Variants in PLCXD2 observed in about 807,000 individuals in gnomAD.
PLCXD2 encodes PI-PLC X domain-containing protein 2.
A neutral mutation model predicts 28.6 loss-of-function variants in PLCXD2; 21 were observed. That is an observed-to-expected ratio of 0.73 (90% confidence interval 0.52 to 1.06). PLCXD2 has a LOEUF of 1.06. PLCXD2 is among the 50% of genes least tolerant of loss of function. The pLI is 0.00. For synonymous variants in PLCXD2, 140 were observed against 150.1 expected (o/e 0.93, Z 0.49); for missense variants, 369 against 376.7 (o/e 0.98, Z 0.17).
rs1293338134 is a variant in PLCXD2, at chr3:111,714,133, G to A, written c.866+5G>A. On this transcript the variant is annotated splice_donor_5th_base_variant and intron_variant, in intron 3 of 4. Transcript: ENST00000477665. The stretch of plus-strand genomic sequence containing the variant: ...CAAGAACACGCTGGTTCATAGGTAA[G>A]AATTTGCTTCCACCCCACAAGGAAA... 3.7e-6 allele frequency: 6 copies of A among 1,611,324 alleles called. No individual in the cohort carries two copies. Among genetic ancestry groups the A allele is most frequent in the Admixed American group, 1.7e-5 (1 of 59,646 alleles).
At chr3:111,708,637 C>T (rs766791543) in intron 2 of PLCXD2, among the ~76,000 whole-genome samples, 2 of 152,156 alleles carry the variant, frequency 1.3e-5, no homozygotes, top group Non-Finnish European at 2.9e-5. Context: ...GTGGCCTGGC[C>T]AGAACCAACC....
chr3:111,707,169 G>A (rs1404488784), intron 1 of PLCXD2, among the ~76,000 whole-genome samples: 2 of 152,156 alleles, frequency 1.3e-5, no homozygotes, highest in Non-Finnish European at 2.9e-5. Flanking sequence ...AGCAGTTTTG[G>A]CTCATTGAGG....
chr3:111,693,272 A>C (rs1034348988), intron 1 of PLCXD2, among the ~76,000 whole-genome samples: 1 of 152,154 alleles, frequency 6.6e-6, no homozygotes, highest in Non-Finnish European at 1.5e-5. Context: ...AATAAGGCAA[A>C]TGCAGCACAA....
At chr3:111,693,898 C>T (rs1183915697) in intron 1 of PLCXD2, among the ~76,000 whole-genome samples, 3 of 152,186 alleles carry the variant, frequency 2.0e-5, no homozygotes, top group Non-Finnish European at 4.4e-5. Context: ...GAGATGAAGC[C>T]AGGAGGCAAG....
intron 3 of PLCXD2, chr3:111,721,849 T>C (rs1436641142): frequency 6.6e-6 from 1 of 152,214 alleles, no homozygotes; most frequent in African/African-American, 2.4e-5. Context: ...CAACGCTAAG[T>C]GGAAGGCCCC....
chr3:111,678,668 G>T (rs576534818), intron 1 of PLCXD2, among the ~76,000 whole-genome samples: 20 of 152,258 alleles, frequency 1.3e-4, no homozygotes, highest in Admixed American at 3.9e-4. Flanking sequence ...TATTGAAGAA[G>T]TATCTAAATT....
At chr3:111,693,866 G>C (rs1172309484) in intron 1 of PLCXD2, among the ~76,000 whole-genome samples, 1 of 152,182 alleles carries the variant, frequency 6.6e-6, no homozygotes, top group African/African-American at 2.4e-5. Flanking sequence ...CCTGCTTGGG[G>C]ACTGTGATCC....
intron 1 of PLCXD2, among the ~76,000 whole-genome samples, chr3:111,698,037 A>G (rs1027280920): frequency 1.3e-5 from 2 of 152,230 alleles, no homozygotes; most frequent in African/African-American, 4.8e-5. Flanking sequence ...CTAAATGTTA[A>G]TTGCCATGAC....
intron 3 of PLCXD2, among the ~76,000 whole-genome samples, chr3:111,718,046 G>A (rs530208004): frequency 1.3e-5 from 2 of 150,980 alleles, no homozygotes; most frequent in African/African-American, 2.4e-5. Context: ...CACTTTACAT[G>A]TATTATTTTG....
At chr3:111,678,249 T>TA (rs1940654627) in intron 1 of PLCXD2, among the ~76,000 whole-genome samples, 1 of 152,248 alleles carries the variant, frequency 6.6e-6, no homozygotes, top group Non-Finnish European at 1.5e-5. Flanking sequence ...GAACACCTGT[T>TA]AATGGCCAAT....
intron 3 of PLCXD2, among the ~76,000 whole-genome samples, chr3:111,716,252 C>T (rs1028711026): frequency 4.6e-5 from 7 of 152,206 alleles, no homozygotes; most frequent in African/African-American, 1.4e-4. Context: ...CTGTCATTTC[C>T]TCTGGGCTGT....
chr3:111,685,803 A>G (rs997295221), intron 1 of PLCXD2, among the ~76,000 whole-genome samples: 1 of 152,234 alleles, frequency 6.6e-6, no homozygotes, highest in African/African-American at 2.4e-5. Flanking sequence ...TGAATGAATT[A>G]TCTACAATGT....
intron 1 of PLCXD2, among the ~76,000 whole-genome samples, chr3:111,707,161 C>T (rs1328223462): frequency 6.6e-6 from 1 of 152,146 alleles, no homozygotes; most frequent in African/African-American, 2.4e-5. Context: ...CATTTAATAG[C>T]AGTTTTGGCT....
chr3:111,702,241 G>A (rs1941053892), intron 1 of PLCXD2, among the ~76,000 whole-genome samples: 1 of 152,164 alleles, frequency 6.6e-6, no homozygotes, highest in East Asian at 1.9e-4. Context: ...AATATACACT[G>A]AGCACAAGGG....
chr3:111,723,864 C>G (rs1246172402), intron 3 of PLCXD2: 1 of 152,190 alleles, frequency 6.6e-6, no homozygotes, highest in Non-Finnish European at 1.5e-5. Context: ...AAACAAGGCT[C>G]TCATACTTGC....
At position 111,675,153 on chromosome 3, in the gene PLCXD2, A is replaced by C; in HGVS notation, c.-93A>C. 1 of 1,454,744 alleles carries C rather than the reference A, an allele frequency of 6.9e-7. No homozygotes were observed. The highest frequency in any genetic ancestry group is 9.4e-7 in the Non-Finnish European group (1 of 1,068,958). The allele number at this position is 1,454,744 out of a possible 1,614,324, so 90.1% of individuals were successfully genotyped here. On this transcript the variant is annotated 5_prime_UTR_variant, in exon 1 of 5. Coordinates refer to ENST00000477665, the MANE Select transcript of PLCXD2 (RefSeq NM_001185106.1). Reference sequence around the variant, plus strand: ...GCATTTTGGAAAGACTGGCGTGGCAAGCGTCGCCCTGAAACGTCCACAGAG... The same window carrying C: ...GCATTTTGGAAAGACTGGCGTGGCACGCGTCGCCCTGAAACGTCCACAGAG...
At chr3:111,724,015 A>T (rs944878619) in intron 3 of PLCXD2, 3 of 152,122 alleles carry the variant, frequency 2.0e-5, no homozygotes, top group African/African-American at 7.2e-5. Context: ...CCACACAGCC[A>T]TATTTCCATG....
chr3:111,708,108 C>T lies in PLCXD2; in HGVS notation c.346C>T (p.Arg116Cys), dbSNP rs201638622. Reference sequence around the variant, plus strand: ...AGCTGGGATCCGCTACTTTGACCTGCGTGTGTCTTCCAAACCAGGGGATGC... The same window carrying T: ...AGCTGGGATCCGCTACTTTGACCTGTGTGTGTCTTCCAAACCAGGGGATGC... The change falls in exon 2 of 5, where the codon CGT becomes TGT. Residue 116 changes from arginine (R) to cysteine (C), a missense_variant. Transcript: ENST00000477665. 5.0e-6 allele frequency: 8 copies of T among 1,614,206 alleles called. No individual in the cohort carries two copies. The highest frequency in any genetic ancestry group is 2.2e-5 in the East Asian group (1 of 44,886).
intron 1 of PLCXD2, among the ~76,000 whole-genome samples, chr3:111,701,724 T>C (rs1285408459): frequency 6.6e-6 from 1 of 152,184 alleles, no homozygotes; most frequent in East Asian, 1.9e-4. Context: ...ATGAGAACAG[T>C]GGCAGTTGAA....
Sources: allele counts gnomAD v4.1 joint callset (sites outside exome capture counted in the v4.1 genomes callset), GRCh38; gene constraint gnomAD v4.1.1; transcripts MANE v1.5; gene names NCBI Gene and HGNC (gene_info 2026-07-23, HGNC 2026-07-21).